The following GLT1D1 variants were observed in gnomAD, a reference collection of about 807,000 sequenced individuals.
GLT1D1 encodes the protein glycosyltransferase 1 domain containing 1, also known as glycosyltransferase 1 domain-containing protein 1.
GLT1D1 carries 21 observed loss-of-function variants against 28.7 expected under a neutral mutation model. The observed-to-expected ratio is 0.73, with a 90% CI of 0.52 to 1.05. The LOEUF is 1.05. GLT1D1 is among the 50% of genes least tolerant of loss of function. The probability of loss-of-function intolerance (pLI) is 0.00; values close to 1 mark genes in which losing one functional copy is unlikely to be tolerated. For missense variants in GLT1D1, 343 were observed against 330.6 expected (o/e 1.04, Z -0.29); for synonymous variants, 147 against 124.8 (o/e 1.18, Z -1.19).
intron 4 of GLT1D1, among the ~76,000 whole-genome samples, chr12:128,942,174 G>C (rs1875366872): frequency 6.6e-6 from 1 of 151,670 alleles, no homozygotes; most frequent in South Asian, 2.1e-4. Context: ...AGGAAGGTGG[G>C]GTGGAGCAGG....
intron 4 of GLT1D1, 117 bp from the exon 7 acceptor site, chr12:128,926,242 A>G (rs1166397732): frequency 1.7e-5 from 6 of 351,816 alleles, no homozygotes; most frequent in African/African-American, 1.1e-4. Flanking sequence ...TAATAAGAGT[A>G]GGAGAAGCTG....
intron 2 of GLT1D1, among the ~76,000 whole-genome samples, chr12:128,879,423 TTTC>T (rs1566096583): frequency 1.9e-5 from 2 of 106,690 alleles, no homozygotes; most frequent in African/African-American, 7.9e-5. Context: ...TCTTTCTTTC[TTTC>T]TTTCTTTCTT....
chr12:128,891,337 T>C (rs1869030645), intron 3 of GLT1D1, among the ~76,000 whole-genome samples: 1 of 152,112 alleles, frequency 6.6e-6, no homozygotes, highest in Non-Finnish European at 1.5e-5. Flanking sequence ...CTGTGCAGTT[T>C]GTCCTCCCAC....
At chr12:128,869,466 A>G (rs541739365) in intron 1 of GLT1D1, among the ~76,000 whole-genome samples, 1 of 152,288 alleles carries the variant, frequency 6.6e-6, no homozygotes, top group East Asian at 1.9e-4. Context: ...CACCATGCCC[A>G]GCCCCATCTA....
rs576798984 is a variant in GLT1D1, at chr12:128,947,710, T to C, written c.540+252T>C. Among the ~76,000 whole-genome samples, 4 of 151,472 alleles carry C rather than the reference T, an allele frequency of 2.6e-5. No homozygotes were observed. The South Asian group carries it at 8.3e-4, about 31-fold the overall frequency. ...AAAATAAAACTGGGATAGCATTGCC[T>C]CTCTGACCTTCTAAATATCTCTGAC... On this transcript the variant is annotated intron_variant, in intron 6 of 7. Coordinates refer to ENST00000281703, the MANE Select transcript of GLT1D1 (RefSeq NM_144669.3).
At chr12:128,856,562 C>T (rs1426101730) in intron 1 of GLT1D1, among the ~76,000 whole-genome samples, 4 of 152,104 alleles carry the variant, frequency 2.6e-5, no homozygotes, top group Non-Finnish European at 5.9e-5. Flanking sequence ...TCACTGAGAT[C>T]TGGAGGGATG....
chr12:128,932,990 A>C (rs1347695207), intron 4 of GLT1D1, among the ~76,000 whole-genome samples: 1 of 151,544 alleles, frequency 6.6e-6, no homozygotes, highest in Non-Finnish European at 1.5e-5. Flanking sequence ...TTTATTCTGG[A>C]CTCCCCCGGT....
chr12:128,945,366 A>C lies in GLT1D1; in HGVS notation c.416A>C (p.Lys139Thr). Residue 139 changes from lysine (K) to threonine (T), a missense_variant, in exon 5 of 8, where the codon AAA (lysine) becomes ACA (threonine). Transcript: ENST00000281703. The stretch of plus-strand genomic sequence containing the variant: ...ACAAGGGAAGTGAAAGCCAAAGTGA[A>C]AAGGTAAGAGTTGGTGGAGACCAGT... 1 of 1,613,716 alleles carries C rather than the reference A, an allele frequency of 6.2e-7. No individual in the cohort carries two copies. Among genetic ancestry groups the C allele is most frequent in the Non-Finnish European group, 8.5e-7 (1 of 1,179,582 alleles).
In GLT1D1 at chr12:128,874,023, TCCTC is replaced by T. The variant is rs1307324484; in HGVS notation, c.69-1875_69-1872del. ...TCTTCCCTTCCCTTCCCCTTCCCCT[TCCTC>T]CCTCCCTCCCTCCCTGCCTCCCTCC... is the stretch of plus-strand genomic sequence containing the variant. On this transcript the variant is annotated intron_variant, in intron 1 of 7. Coordinates refer to ENST00000281703, the MANE Select transcript of GLT1D1 (RefSeq NM_144669.3). 5.4e-4 allele frequency among the ~76,000 whole-genome samples: 29 copies of T among 53,258 alleles called. 2 individuals are homozygous for T. Among genetic ancestry groups the T allele is most frequent in the African/African-American group, 1.0e-3 (11 of 10,690 alleles). 34.9% of individuals were successfully genotyped at this position (53,258 alleles called of 152,430 possible).
At chr12:128,932,604 G>A (rs983333940) in intron 4 of GLT1D1, among the ~76,000 whole-genome samples, 1 of 152,180 alleles carries the variant, frequency 6.6e-6, no homozygotes, top group African/African-American at 2.4e-5. Context: ...TTTGGTTATG[G>A]ATTTGTTGTT....
At chr12:128,980,538 TGGCCTGG>T (rs1031773900) in intron 7 of GLT1D1, among the ~76,000 whole-genome samples, 3 of 152,108 alleles carry the variant, frequency 2.0e-5, no homozygotes, top group African/African-American at 7.2e-5. Context: ...ATCTGGTGAG[TGGCCTGG>T]GGCCACTGGT....
chr12:128,864,530 G>A (rs1374125496), intron 1 of GLT1D1, among the ~76,000 whole-genome samples: 4 of 152,184 alleles, frequency 2.6e-5, no homozygotes, highest in Non-Finnish European at 5.9e-5. Context: ...AGGAGTAGTG[G>A]CAGGTGGAAG....
chr12:128,879,458 CT>C (rs796391633), intron 2 of GLT1D1, among the ~76,000 whole-genome samples: 68 of 88,294 alleles, frequency 7.7e-4, no homozygotes, highest in African/African-American at 2.5e-3. Context: ...TTCTTTCTTT[CT>C]TTTTTTTGGG....
At chr12:128,982,237 CT>C (rs1271708715) in intron 7 of GLT1D1, among the ~76,000 whole-genome samples, 1 of 152,100 alleles carries the variant, frequency 6.6e-6, no homozygotes, top group Non-Finnish European at 1.5e-5. Flanking sequence ...GCCCCTGGGA[CT>C]TGGGGTAGGG....
intron 7 of GLT1D1, among the ~76,000 whole-genome samples, chr12:128,973,284 G>C (rs1472983366): frequency 7.3e-6 from 1 of 136,068 alleles, no homozygotes; most frequent in East Asian, 2.4e-4. Context: ...CTGGGTTCAA[G>C]CAATTCTCCT....
intron 7 of GLT1D1, among the ~76,000 whole-genome samples, chr12:128,970,332 C>T (rs1878915365): frequency 6.6e-6 from 1 of 152,226 alleles, no homozygotes; most frequent in Admixed American, 6.5e-5. Flanking sequence ...CCCCTGAGCC[C>T]CACTTCCCAT....
intron 7 of GLT1D1, among the ~76,000 whole-genome samples, chr12:128,969,616 C>T (rs1022724473): frequency 6.6e-6 from 1 of 152,208 alleles, no homozygotes; most frequent in African/African-American, 2.4e-5. Flanking sequence ...GGGCCATCAC[C>T]AAGGTGCGGA....
At chr12:128,926,193 C>CAAT (rs34967915) in intron 4 of GLT1D1, among the ~76,000 whole-genome samples, 166 bp from the exon 7 acceptor site, 17,199 of 132,712 alleles carry the variant, frequency 0.13, 1,143 homozygotes, top group South Asian at 0.21. Flanking sequence ...GACTCTGTCT[C>CAAT]AATAATAATA....
chr12:128,896,044 T>C (rs1485122922), intron 3 of GLT1D1, among the ~76,000 whole-genome samples: 3 of 152,168 alleles, frequency 2.0e-5, no homozygotes. Context: ...CTTACCAACA[T>C]GGAGGTCCTT....
Sources: gnomAD v4.1 joint callset for allele counts (sites outside exome capture counted in the v4.1 genomes callset) on GRCh38, gnomAD v4.1.1 for gene constraint, MANE v1.5 for transcripts, NCBI Gene and HGNC (gene_info 2026-07-23, HGNC 2026-07-21) for gene names.